The following POU2F1 variants were observed in gnomAD, a reference collection of about 807,000 sequenced individuals.
POU2F1 encodes POU class 2 homeobox 1.
POU2F1 carries 16 observed loss-of-function variants against 84.9 expected under a neutral mutation model. The ratio of observed to expected loss-of-function variants is 0.19; its 90% CI spans 0.13 to 0.29. POU2F1 has a LOEUF of 0.29. Ranked by LOEUF, POU2F1 falls within the 10% of genes least tolerant of loss-of-function variation. The probability of loss-of-function intolerance (pLI) is 1.00; values close to 1 mark genes in which losing one functional copy is unlikely to be tolerated. For synonymous variants in POU2F1, 368 were observed against 368.3 expected, an observed-to-expected ratio of 1.00 and a Z score of 0.01; for missense variants, 738 against 942.6, an observed-to-expected ratio of 0.78 and a Z score of 2.84.
intron 6 of POU2F1, 25 bp downstream of exon 6, chr1:167,374,321 G>C: frequency 1.3e-6 from 2 of 1,540,378 alleles, no homozygotes; most frequent in Non-Finnish European, 1.7e-6. Context: ...CCAATAGCTG[G>C]GGCAGCAAGT....
chr1:167,399,454 T>A, intron 12 of POU2F1, 89 bp downstream of exon 12: 1 of 1,125,608 alleles, frequency 8.9e-7, no homozygotes, highest in Non-Finnish European at 1.3e-6. Context: ...TTCATAATAG[T>A]AATTTAATGA....
At chr1:167,251,958 C>T (rs1432601733) in intron 1 of POU2F1, among the ~76,000 whole-genome samples, 11 of 151,374 alleles carry the variant, frequency 7.3e-5, no homozygotes, top group African/African-American at 2.4e-5. Context: ...AATTCTCCTG[C>T]CTCAGCCTCC....
chr1:167,359,335 G>A (rs946150947), intron 2 of POU2F1, among the ~76,000 whole-genome samples: 1 of 152,098 alleles, frequency 6.6e-6, no homozygotes, highest in Non-Finnish European at 1.5e-5. Flanking sequence ...TAGTTTTTCA[G>A]CCCTTGCCTT....
rs557275517 is a variant in POU2F1, at chr1:167,371,875, C to T, written c.283-42C>T. ...GGGTTTTAAGTACATTTCTTTTAAT[C>T]AACCATTTGCAATCTTTTATTTCCT... On this transcript the variant is annotated intron_variant, in intron 4 of 15. Transcript: ENST00000367866. 3.4e-5 allele frequency: 55 copies of T among 1,611,532 alleles called. No homozygotes were observed. In the Middle Eastern group the frequency reaches 2.6e-3, roughly 77 times the overall value.
In POU2F1 at chr1:167,220,924, A is replaced by C. The variant is rs1397750550; in HGVS notation, c.27A>C (p.Gln9His). 1.3e-6 allele frequency: 2 copies of C among 1,535,318 alleles called. No individual in the cohort carries two copies. The highest frequency in any genetic ancestry group is 1.2e-5 in the South Asian group (1 of 84,032). Residue 9 changes from glutamine to histidine, a missense_variant, in exon 1 of 16, where the codon CAA (glutamine) becomes CAC (histidine). Physicochemically the swap from Gln to His is conservative, Grantham distance 24. Transcript: ENST00000367866. ...TGGCGGACGGAGGAGCAGCGAGTCA[A>C]GATGAGAGTTCAGCCGCGGCGGCAG... is the stretch of plus-strand genomic sequence containing the variant. Reference protein sequence around the residue: MADGGAASQDESSAAAAAA... With the variant: MADGGAASHDESSAAAAAA...
chr1:167,235,469 A>G (rs992016506), intron 1 of POU2F1, among the ~76,000 whole-genome samples: 10 of 152,220 alleles, frequency 6.6e-5, no homozygotes, highest in Admixed American at 5.2e-4. Flanking sequence ...CGATTAGACT[A>G]TAGGGGCAAA....
intron 1 of POU2F1, among the ~76,000 whole-genome samples, chr1:167,221,939 G>T (rs1648238771): frequency 6.6e-6 from 1 of 152,204 alleles, no homozygotes; most frequent in East Asian, 1.9e-4. Context: ...TTGCGTTGTC[G>T]GCCGGGGCTT....
chr1:167,395,807 C>T (rs1020284736), intron 9 of POU2F1, among the ~76,000 whole-genome samples: 7 of 151,966 alleles, frequency 4.6e-5, no homozygotes, highest in African/African-American at 1.4e-4. Flanking sequence ...GCCATGTTCT[C>T]CAGGCTGGTC....
At chr1:167,280,498 A>G (rs61660544) in intron 1 of POU2F1, among the ~76,000 whole-genome samples, 15,862 of 152,096 alleles carry the variant, frequency 0.1, 2,140 homozygotes, top group African/African-American at 0.32. Context: ...GTCATCCTGT[A>G]TCAGTGTCAG....
At chr1:167,380,225 T>C (rs1011862480) in intron 7 of POU2F1, 2 of 152,238 alleles carry the variant, frequency 1.3e-5, no homozygotes, top group African/African-American at 4.8e-5. Flanking sequence ...TGGGCCCCTG[T>C]TTCCTCAACT....
intron 2 of POU2F1, among the ~76,000 whole-genome samples, chr1:167,357,696 TATC>T (rs1213539458): frequency 6.6e-6 from 1 of 151,990 alleles, no homozygotes; most frequent in East Asian, 1.9e-4. Context: ...CAAGAATTTT[TATC>T]ATAAGTGGAT....
chr1:167,318,792 C>T (rs1039579938), intron 1 of POU2F1, among the ~76,000 whole-genome samples: 1 of 152,166 alleles, frequency 6.6e-6, no homozygotes, highest in Non-Finnish European at 1.5e-5. Context: ...ACATCTGTAG[C>T]ACTGAGCATC....
intron 1 of POU2F1, among the ~76,000 whole-genome samples, chr1:167,283,125 T>C (rs1357821928): frequency 1.3e-5 from 2 of 152,332 alleles, no homozygotes; most frequent in African/African-American, 2.4e-5. Context: ...TTTCTTCCTC[T>C]AGTACATTGT....
At chr1:167,357,434 G>A (rs1166621075) in intron 2 of POU2F1, 2 of 136,856 alleles carry the variant, frequency 1.5e-5, no homozygotes, top group Non-Finnish European at 3.0e-5. Context: ...AGGCAGGAGT[G>A]TAGTGGTGTG....
chr1:167,341,785 G>T (rs557599610), intron 2 of POU2F1, among the ~76,000 whole-genome samples: 1 of 152,160 alleles, frequency 6.6e-6, no homozygotes, highest in Non-Finnish European at 1.5e-5. Flanking sequence ...CTTGTGCGGC[G>T]TCCAGGAAGA....
intron 1 of POU2F1, among the ~76,000 whole-genome samples, chr1:167,301,807 G>GT (rs111508298): frequency 2.6e-5 from 4 of 151,896 alleles, no homozygotes; most frequent in East Asian, 1.9e-4. Context: ...TCCTTACGGT[G>GT]TTTTTTTGTT....
At chr1:167,339,220 C>T (rs942756949) in intron 2 of POU2F1, among the ~76,000 whole-genome samples, 2 of 152,170 alleles carry the variant, frequency 1.3e-5, no homozygotes, top group African/African-American at 4.8e-5. Context: ...ATTTCCTTCT[C>T]TAACTCTCCT....
chr1:167,272,886 T>C lies in POU2F1; in HGVS notation c.61+51928T>C, dbSNP rs570435388. Among the ~76,000 whole-genome samples, 503 of 152,316 alleles carry C rather than the reference T, an allele frequency of 3.3e-3. 1 individual carries two copies. Among genetic ancestry groups the C allele is most frequent in the Middle Eastern group, 6.8e-3 (2 of 294 alleles). Reference sequence around the variant, plus strand: ...CTCAGTAGTCCCCCAGAATCTTATTTCAGCATTAACTCAAAAGTCCACAAT... The same window carrying C: ...CTCAGTAGTCCCCCAGAATCTTATTCCAGCATTAACTCAAAAGTCCACAAT... On this transcript the variant is annotated intron_variant, in intron 1 of 15. Transcript: ENST00000367866.
chr1:167,336,345 T>C (rs994059681), intron 2 of POU2F1, among the ~76,000 whole-genome samples: 1 of 152,238 alleles, frequency 6.6e-6, no homozygotes, highest in African/African-American at 2.4e-5. Context: ...CATGTGACCC[T>C]AATCATGTCA....
Sources: gnomAD v4.1 joint callset for allele counts (sites outside exome capture counted in the v4.1 genomes callset) on GRCh38, gnomAD v4.1.1 for gene constraint, MANE v1.5 for transcripts, NCBI Gene and HGNC (gene_info 2026-07-23, HGNC 2026-07-21) for gene names.